Variants in NF1 observed in about 807,000 individuals in gnomAD.
The protein encoded by NF1 is neurofibromin 1, also known as neurofibromin.
NF1 carries 122 observed loss-of-function variants against 325.7 expected under a neutral mutation model. The observed-to-expected ratio is 0.37, with a 90% CI of 0.32 to 0.44. The LOEUF (loss-of-function observed/expected upper bound fraction) is 0.44, where lower values mean the gene tolerates loss of function less well. Among genes scored for constraint, NF1 ranks in the 20% least tolerant of loss-of-function variants. The pLI is 1.00. For synonymous variants in NF1, 1,091 were observed against 1,186.0 expected (o/e 0.92, Z 1.65); for missense variants, 2,140 against 3,415.4 (o/e 0.63, Z 9.31).
intron 57 of NF1, among the ~76,000 whole-genome samples, chr17:31,368,898 A>T (rs1293341920): frequency 2.0e-5 from 3 of 152,198 alleles, no homozygotes; most frequent in African/African-American, 7.2e-5. Context: ...ATGTAATAAG[A>T]GTTTTCTAAT....
intron 5 of NF1, among the ~76,000 whole-genome samples, chr17:31,179,092 C>G (rs2066078154): frequency 6.6e-6 from 1 of 152,106 alleles, no homozygotes; most frequent in South Asian, 2.1e-4. Context: ...GCACTTATTC[C>G]AAAATTGACC....
intron 39 of NF1, among the ~76,000 whole-genome samples, chr17:31,334,183 G>A: frequency 7.2e-6 from 1 of 139,152 alleles, no homozygotes; most frequent in East Asian, 2.0e-4. Flanking sequence ...CAGCTACTCG[G>A]GAGGCTGAGG....
intron 5 of NF1, among the ~76,000 whole-genome samples, chr17:31,180,744 A>C (rs17883335): frequency 0.04 from 6,150 of 152,272 alleles, 418 homozygotes; most frequent in African/African-American, 0.14. Flanking sequence ...AGTTCTGGCC[A>C]GGGCAATCAG....
At chr17:31,097,960 G>A (rs1328632427) in intron 1 of NF1, among the ~76,000 whole-genome samples, 1 of 152,048 alleles carries the variant, frequency 6.6e-6, no homozygotes, top group African/African-American at 2.4e-5. Context: ...CCCCTGCTCG[G>A]CCTCCCGAAG....
At chr17:31,115,524 C>T (rs1003317467) in intron 1 of NF1, among the ~76,000 whole-genome samples, 2 of 152,196 alleles carry the variant, frequency 1.3e-5, no homozygotes, top group African/African-American at 4.8e-5. Context: ...CCTTGATTCT[C>T]AGGCCTTTGT....
At chr17:31,142,211 GATC>G (rs1916268856) in intron 1 of NF1, among the ~76,000 whole-genome samples, 1 of 152,150 alleles carries the variant, frequency 6.6e-6, no homozygotes, top group Non-Finnish European at 1.5e-5. Flanking sequence ...TGTTAATAGA[GATC>G]ATAATTAAAA....
At chr17:31,128,808 G>A (rs564881552) in intron 1 of NF1, among the ~76,000 whole-genome samples, 15 of 152,052 alleles carry the variant, frequency 9.9e-5, no homozygotes, top group Non-Finnish European at 2.2e-4. Context: ...TGTAGTCCCA[G>A]CTACTCGGGA....
chr17:31,186,019 A>C (rs1019529524), intron 8 of NF1, among the ~76,000 whole-genome samples: 2 of 152,112 alleles, frequency 1.3e-5, no homozygotes, highest in African/African-American at 4.8e-5. Context: ...GTGGGTCTTC[A>C]AGTCACCTTG....
rs1335480997 is a variant in NF1 at position 31,336,887 on chromosome 17, T to C, written c.6400T>C (p.Cys2134Arg). ...GLVINIIHSL[C>R]TCSQLHFSEE... ...GGTCATTAATATCATTCACTCTCTG[T>C]GTACTTGTTCACAGCTTCATTTTAG... is the stretch of plus-strand genomic sequence containing the variant. Residue 2134 changes from cysteine to arginine, a missense_variant, in exon 42 of 58, where the codon TGT (cysteine) becomes CGT (arginine). Cys to Arg is a radical substitution (Grantham distance 180). Around this residue, in one of 10 missense-constraint regions of NF1, gnomAD observed 180 missense variants for 435.1 expected, o/e 0.41. Transcript: ENST00000358273. The surrounding 1 kb of genome is among the most constrained non-coding windows in gnomAD (Gnocchi z 5.5). 6.2e-7 allele frequency: 1 copy of C among 1,612,208 alleles called. No homozygotes were observed. The highest frequency in any genetic ancestry group is 8.5e-7 in the Non-Finnish European group (1 of 1,180,012).
chr17:31,268,566 G>A (rs1369353308), intron 36 of NF1, among the ~76,000 whole-genome samples: 1 of 150,012 alleles, frequency 6.7e-6, no homozygotes, highest in Non-Finnish European at 1.5e-5. Flanking sequence ...GGTGGAGGTT[G>A]CAGTGAACCA....
At chr17:31,134,208 A>C (rs1305777781) in intron 1 of NF1, among the ~76,000 whole-genome samples, 1 of 152,156 alleles carries the variant, frequency 6.6e-6, no homozygotes, top group East Asian at 1.9e-4. Context: ...GTTATATTTA[A>C]GCTCATCAGT....
chr17:31,281,362 A>G (rs1013669663), intron 36 of NF1, among the ~76,000 whole-genome samples: 55 of 152,252 alleles, frequency 3.6e-4, no homozygotes, highest in Admixed American at 5.9e-4. Flanking sequence ...AGTCTGCCCA[A>G]AAAGCTCAGA....
intron 5 of NF1, 37 bp downstream of exon 5, chr17:31,170,034 C>T (rs768395140): frequency 7.2e-7 from 1 of 1,385,876 alleles, no homozygotes; most frequent in Non-Finnish European, 1.0e-6. Context: ...AAAAAAATCA[C>T]TGGGTCAAAA....
chr17:31,154,827 C>T (rs1028205222), intron 1 of NF1, among the ~76,000 whole-genome samples: 1 of 150,444 alleles, frequency 6.6e-6, no homozygotes. Context: ...GCAATCTCTG[C>T]CTCCTGGGTT....
chr17:31,350,161 C>T (rs2070101937), intron 49 of NF1, 22 bp from the exon 50 acceptor site: 1 of 1,613,608 alleles, frequency 6.2e-7, no homozygotes, highest in African/African-American at 1.3e-5. Flanking sequence ...AATTTTTTAA[C>T]CTGCCACCGT....
intron 12 of NF1, among the ~76,000 whole-genome samples, chr17:31,209,115 C>G (rs1034705): frequency 0.53 from 80,284 of 151,800 alleles, 23,867 homozygotes; most frequent in Middle Eastern, 0.71. Flanking sequence ...TGCCAATATT[C>G]CCTTTACCCC....
intron 1 of NF1, among the ~76,000 whole-genome samples, chr17:31,154,318 A>G (rs905345124): frequency 1.3e-5 from 2 of 151,968 alleles, no homozygotes; most frequent in African/African-American, 2.4e-5. Flanking sequence ...TGGTCTCCCA[A>G]AGTTCTGGGA....
At chr17:31,121,494 G>T (rs547926059) in intron 1 of NF1, among the ~76,000 whole-genome samples, 1 of 143,908 alleles carries the variant, frequency 6.9e-6, no homozygotes, top group South Asian at 2.2e-4. Flanking sequence ...TCCGCCTCCC[G>T]TGTTCACGCC....
At chr17:31,170,848 G>C (rs1269405171) in intron 5 of NF1, among the ~76,000 whole-genome samples, 1 of 152,046 alleles carries the variant, frequency 6.6e-6, no homozygotes, top group African/African-American at 2.4e-5. Flanking sequence ...ACAAAAAAAT[G>C]TTTTTTAGTT....
Sources: gnomAD v4.1 joint callset for allele counts (sites outside exome capture counted in the v4.1 genomes callset) on GRCh38, gnomAD v4.1.1 for gene constraint, gnomAD v4.1.1 regional missense constraint, Gnocchi (gnomAD v3.1) non-coding constraint, MANE v1.5 for transcripts, NCBI Gene and HGNC (gene_info 2026-07-23, HGNC 2026-07-21) for gene names.